TRHDE: variants seen among roughly 807,000 people sequenced by gnomAD.
TRHDE encodes the protein thyrotropin releasing hormone degrading enzyme.
Under a neutral mutation model 125.7 loss-of-function variants are expected in TRHDE, and 72 were observed. The ratio of observed to expected loss-of-function variants is 0.57; its 90% CI spans 0.47 to 0.70. The LOEUF is 0.70. Among genes scored for constraint, TRHDE ranks in the 30% least tolerant of loss-of-function variants. The probability of loss-of-function intolerance (pLI) is 0.00; values close to 1 mark genes in which losing one functional copy is unlikely to be tolerated. For missense variants in TRHDE, 1,110 were observed against 1,327.1 expected, an observed-to-expected ratio of 0.84 and a Z score of 2.54; for synonymous variants, 509 against 509.1, an observed-to-expected ratio of 1.00 and a Z score of 0.00.
chr12:72,367,371 A>G (rs1676364841), intron 2 of TRHDE, among the ~76,000 whole-genome samples: 1 of 152,032 alleles, frequency 6.6e-6, no homozygotes. Context: ...CAGTCTTCAT[A>G]TGAGACGTCA....
chr12:72,356,229 C>T (rs553893910), intron 2 of TRHDE, among the ~76,000 whole-genome samples: 9 of 151,764 alleles, frequency 5.9e-5, no homozygotes, highest in African/African-American at 2.2e-4. Context: ...GAGATCTTGT[C>T]CTTTGCAGGA....
intron 2 of TRHDE, among the ~76,000 whole-genome samples, chr12:72,377,058 G>A (rs1455068558): frequency 6.6e-5 from 10 of 152,078 alleles, no homozygotes; most frequent in Admixed American, 5.9e-4. Flanking sequence ...ACCCACCTTG[G>A]TTAGTGGCAG....
chr12:72,509,522 T>C (rs1040842813), intron 6 of TRHDE, among the ~76,000 whole-genome samples: 7 of 152,194 alleles, frequency 4.6e-5, no homozygotes, highest in Admixed American at 2.0e-4. Flanking sequence ...GCCTTTCTCG[T>C]TGTAGGAAAA....
intron 10 of TRHDE, among the ~76,000 whole-genome samples, chr12:72,572,974 C>T (rs558204209): frequency 6.6e-6 from 1 of 151,870 alleles, no homozygotes; most frequent in African/African-American, 2.4e-5. Flanking sequence ...ATATATTAAA[C>T]TTGGTGCTTT....
At chr12:72,185,916 A>T (rs1175045832) in intron 2 of TRHDE, among the ~76,000 whole-genome samples, 1 of 152,026 alleles carries the variant, frequency 6.6e-6, no homozygotes, top group Non-Finnish European at 1.5e-5. Context: ...TGTGTGTGGA[A>T]ACTCTGTATC....
intron 12 of TRHDE, among the ~76,000 whole-genome samples, chr12:72,613,986 C>T (rs1027757001): frequency 5.9e-5 from 9 of 151,900 alleles, no homozygotes; most frequent in African/African-American, 1.5e-4. Context: ...TGGTTGAAAG[C>T]GAAGTAGGAG....
At chr12:72,411,947 C>T (rs1184750688) in intron 3 of TRHDE, among the ~76,000 whole-genome samples, 1 of 152,124 alleles carries the variant, frequency 6.6e-6, no homozygotes, top group Non-Finnish European at 1.5e-5. Flanking sequence ...TTAAAGTTGA[C>T]ACCTATCTCA....
chr12:72,238,901 A>G (rs541374164), intron 2 of TRHDE, among the ~76,000 whole-genome samples: 1 of 152,312 alleles, frequency 6.6e-6, no homozygotes, highest in East Asian at 1.9e-4. Context: ...CTTTGGGTAT[A>G]TACCCAGTAA....
At chr12:72,277,102 G>A (rs1208044840) in intron 1 of TRHDE, among the ~76,000 whole-genome samples, 3 of 151,968 alleles carry the variant, frequency 2.0e-5, no homozygotes, top group East Asian at 3.9e-4. Context: ...ACTTTAATAG[G>A]GTCTATAACA....
At position 72,575,581 on chromosome 12, in the gene TRHDE, C is replaced by T. The variant is rs1870955065; in HGVS notation, c.2321+39C>T. The T allele has an allele frequency of 5.7e-6, 9 of 1,580,230 alleles. No homozygotes were observed. The East Asian group carries it at 9.0e-5, about 16-fold the overall frequency. Reference sequence around the variant, plus strand: ...TGGATCTCCCCAATAAAAACTTGTGCCTGCAAGACTTCCTGTATTAAACTG... The same window carrying T: ...TGGATCTCCCCAATAAAAACTTGTGTCTGCAAGACTTCCTGTATTAAACTG... On this transcript the variant is annotated intron_variant, in intron 12 of 18. Coordinates refer to ENST00000261180, the MANE Select transcript of TRHDE (RefSeq NM_013381.3).
At chr12:72,196,720 C>T (rs1027176903) in intron 2 of TRHDE, among the ~76,000 whole-genome samples, 1 of 152,056 alleles carries the variant, frequency 6.6e-6, no homozygotes, top group Non-Finnish European at 1.5e-5. Context: ...CCAAGGCTAA[C>T]CCTCCACTTG....
intron 1 of TRHDE, among the ~76,000 whole-genome samples, chr12:72,094,540 G>A (rs1335023756): frequency 2.0e-5 from 3 of 152,250 alleles, no homozygotes; most frequent in Non-Finnish European, 4.4e-5. Flanking sequence ...ACAGATGGGT[G>A]CATATCTCTT....
chr12:72,561,058 T>C (rs1482081527), intron 7 of TRHDE, among the ~76,000 whole-genome samples: 2 of 152,190 alleles, frequency 1.3e-5, no homozygotes, highest in Non-Finnish European at 2.9e-5. Context: ...AAGTTATTCA[T>C]AACACCTGAT....
At chr12:72,489,666 A>C (rs1351111188) in intron 5 of TRHDE, among the ~76,000 whole-genome samples, 1 of 151,972 alleles carries the variant, frequency 6.6e-6, no homozygotes, top group Non-Finnish European at 1.5e-5. Context: ...GTGGAAAAGA[A>C]TACAGAGTCC....
chr12:72,130,691 G>A (rs1395837372), intron 2 of TRHDE, among the ~76,000 whole-genome samples: 1 of 152,166 alleles, frequency 6.6e-6, no homozygotes, highest in Non-Finnish European at 1.5e-5. Context: ...GGTAATATTT[G>A]TAAACTAACA....
chr12:72,625,591 G>T (rs1449619358), intron 15 of TRHDE, among the ~76,000 whole-genome samples: 1 of 151,788 alleles, frequency 6.6e-6, no homozygotes, highest in Admixed American at 6.6e-5. Flanking sequence ...CTTTAATGAT[G>T]ATCATAAAGC....
chr12:72,517,127 A>C (rs1324853407), intron 6 of TRHDE, among the ~76,000 whole-genome samples: 141 of 151,326 alleles, frequency 9.3e-4, no homozygotes, highest in Middle Eastern at 3.4e-3. Context: ...TGTCTCTGCC[A>C]GGCTTTGGTA....
At chr12:72,622,970 T>G (rs1432285307) in intron 15 of TRHDE, among the ~76,000 whole-genome samples, 1 of 152,042 alleles carries the variant, frequency 6.6e-6, no homozygotes, top group African/African-American at 2.4e-5. Context: ...TGATCCAATA[T>G]TTCATCTGTC....
Position 72,384,786 on chromosome 12 carries a change from A to G in TRHDE, c.1315+6665A>G, listed in dbSNP as rs371660865. ...TTTGCTTAAGATACAATAAACATAT[A>G]TATTTTTTATTGTGGTGATGATGAT... On this transcript the variant is annotated intron_variant, in intron 3 of 18. Transcript: ENST00000261180. Among the ~76,000 whole-genome samples the G allele has an allele frequency of 2.0e-5, 3 of 152,046 alleles. No individual in the cohort carries two copies. In the East Asian group the frequency reaches 5.8e-4, roughly 29 times the overall value.
Sources: allele counts gnomAD v4.1 joint callset (sites outside exome capture counted in the v4.1 genomes callset), GRCh38; gene constraint gnomAD v4.1.1; transcripts MANE v1.5; gene names NCBI Gene and HGNC (gene_info 2026-07-23, HGNC 2026-07-21).